Variants in C16orf95 observed in about 807,000 individuals in gnomAD.
C16orf95 encodes uncharacterized protein C16orf95.
C16orf95 carries 41 observed loss-of-function variants against 32.1 expected under a neutral mutation model. The observed-to-expected ratio is 1.28, with a 90% CI of 1.00 to 1.66. The LOEUF (loss-of-function observed/expected upper bound fraction) is 1.66. C16orf95 is among the 40% of genes most tolerant of loss of function. C16orf95 has a pLI of 0.00. For missense variants in C16orf95, 399 were observed against 325.9 expected, an observed-to-expected ratio of 1.22 and a Z score of -1.73; for synonymous variants, 147 against 128.9, an observed-to-expected ratio of 1.14 and a Z score of -0.95.
rs1408258267 is a variant in C16orf95, at chr16:87,315,001, C to T, written c.300G>A (p.Trp100Ter). Reference sequence around the variant, plus strand: ...TTCGGGGTCTCAGGGACAGAGGGACCCAGTAAGGCAGTGCTGCTTCCACCC... The same window carrying T: ...TTCGGGGTCTCAGGGACAGAGGGACTCAGTAAGGCAGTGCTGCTTCCACCC... ...VSRVEAALPY[W>*]VPLSLRPRKQ... Residue 100 changes from tryptophan to a stop codon, truncating the protein, a stop_gained, in exon 3 of 7, where the codon TGG becomes TGA. Transcript: ENST00000567970. LOFTEE classifies it high-confidence loss of function. The T allele has an allele frequency of 2.1e-5, 32 of 1,535,976 alleles. No individual in the cohort carries two copies. The highest frequency in any genetic ancestry group is 2.8e-5 in the Non-Finnish European group (32 of 1,146,910).
At chr16:87,304,175 A>G (rs547496876) in intron 6 of C16orf95, among the ~76,000 whole-genome samples, 3 of 152,118 alleles carry the variant, frequency 2.0e-5, no homozygotes, top group Admixed American at 1.3e-4. Context: ...ACACTCAGCT[A>G]ATTTTTTTAT....
Position 87,315,803 on chromosome 16 carries a change from T to C in C16orf95, c.173A>G (p.Tyr58Cys), listed in dbSNP as rs1205098898. The C allele has an allele frequency of 1.3e-6, 2 of 1,531,302 alleles. No homozygotes were observed. Among genetic ancestry groups the C allele is most frequent in the Non-Finnish European group, 1.7e-6 (2 of 1,144,508 alleles). 94.9% of individuals were successfully genotyped at this position (1,531,302 alleles called of 1,614,324 possible). The change falls in exon 2 of 7, where the codon TAC becomes TGC. Residue 58 changes from tyrosine (Y) to cysteine (C), a missense_variant. Transcript: ENST00000567970. ...ACGGGGGAGGCACACTTCTTTCTTG[T>C]AGGTTTGAAATGTGCTATTCCTAGA... is the stretch of plus-strand genomic sequence containing the variant. ...QDGRNSTFQT[Y>C]KKEVCLPRHS...
intron 5 of C16orf95, among the ~76,000 whole-genome samples, chr16:87,308,966 T>C (rs570358106): frequency 6.6e-6 from 1 of 152,358 alleles, no homozygotes; most frequent in Admixed American, 6.5e-5. Flanking sequence ...ATGAACACGA[T>C]GAATGTTTTT....
At chr16:87,315,143 G>A (rs775128593) in intron 2 of C16orf95, 47 bp from the exon 3 acceptor site, 2 of 1,527,122 alleles carry the variant, frequency 1.3e-6, no homozygotes, top group Non-Finnish European at 1.8e-6. Flanking sequence ...TGCTGCATTT[G>A]CAGGGAGACA....
chr16:87,305,685 G>T lies in C16orf95; in HGVS notation c.701+34C>A. On this transcript the variant is annotated intron_variant, in intron 6 of 6. Transcript: ENST00000567970. This position sits in a 1 kb window ranked among gnomAD's most constrained non-coding sequence, Gnocchi z 4.2. ...CTCAGGTGGACGTCACCATGCCAGG[G>T]CCACCCACTGTCCCCCATCCCCCAC... The T allele has an allele frequency of 1.0e-5, 15 of 1,465,156 alleles. No homozygotes were observed. The highest frequency in any genetic ancestry group is 2.3e-4 in the Middle Eastern group (1 of 4,356). 90.8% of individuals were successfully genotyped at this position (1,465,156 alleles called of 1,614,324 possible).
intron 2 of C16orf95, 44 bp downstream of exon 2, chr16:87,315,728 T>C: frequency 7.1e-7 from 1 of 1,411,486 alleles, no homozygotes; most frequent in Non-Finnish European, 9.5e-7. Flanking sequence ...CCCACAGGGA[T>C]ATGTTGGGGT....
Position 87,317,349 on chromosome 16 carries a change from TCAACCC to T in C16orf95, c.-113_-108del, listed in dbSNP as rs1904399673. 1 of 1,425,670 alleles carries T rather than the reference TCAACCC, an allele frequency of 7.0e-7. No homozygotes were observed. The highest frequency in any genetic ancestry group is 1.4e-5 in the African/African-American group (1 of 69,012). The allele number at this position is 1,425,670 out of a possible 1,614,324, so 88.3% of individuals were successfully genotyped here. A position where few individuals can be genotyped will look rare whatever the true frequency, so the allele number is the denominator to read the frequency against. ...GCCCCAGGAGGAACCCAACCCGAGC[TCAACCC>T]CAGCCCCAACCTCAACCGCTCAGAG... On this transcript the variant is annotated 5_prime_UTR_variant, in exon 1 of 7. Coordinates refer to ENST00000567970, the MANE Select transcript of C16orf95 (RefSeq NM_001195124.3).
At chr16:87,310,216 C>T in intron 5 of C16orf95, 81 bp downstream of exon 5, 1 of 1,380,316 alleles carries the variant, frequency 7.2e-7, no homozygotes, top group Non-Finnish European at 1.0e-6. Flanking sequence ...GATGAGAGGT[C>T]TGCCCCCACC....
At position 87,305,864 on chromosome 16, in the gene C16orf95, T is replaced by C; in HGVS notation, c.556A>G (p.Ile186Val). The C allele has an allele frequency of 6.9e-7, 1 of 1,451,548 alleles. No homozygotes were observed. The highest frequency in any genetic ancestry group is 1.4e-5 in the South Asian group (1 of 72,092). 89.9% of individuals were successfully genotyped at this position (1,451,548 alleles called of 1,614,324 possible). ...DACCWHNCWR[I>V]CGDECLLSKF... ...GACAACAGGCACTCATCACCGCAGA[T>C]CCGCCAGCAGTTGTGCCAGCAGCAT... is the stretch of plus-strand genomic sequence containing the variant. Residue 186 changes from isoleucine (I) to valine (V), a missense_variant, in exon 6 of 7, where the codon ATC (isoleucine) becomes GTC (valine). Coordinates refer to ENST00000567970, the MANE Select transcript of C16orf95 (RefSeq NM_001195124.3). The surrounding 1 kb of genome is among the most constrained non-coding windows in gnomAD (Gnocchi z 4.2).
rs1228566047 is a variant in C16orf95, at chr16:87,305,974, G to A, written c.515-69C>T. 17 of 1,226,622 alleles carry A rather than the reference G, an allele frequency of 1.4e-5. No homozygotes were observed. Among genetic ancestry groups the A allele is most frequent in the African/African-American group, 3.2e-5 (2 of 62,664 alleles). The allele number at this position is 1,226,622 out of a possible 1,614,324, so 76.0% of individuals were successfully genotyped here. A position where few individuals can be genotyped will look rare whatever the true frequency, so the allele number is the denominator to read the frequency against. On this transcript the variant is annotated intron_variant, in intron 5 of 6. Coordinates refer to ENST00000567970, the MANE Select transcript of C16orf95 (RefSeq NM_001195124.3). The surrounding 1 kb of genome is among the most constrained non-coding windows in gnomAD (Gnocchi z 4.2). ...GGACTCTGTGAGCCACGAGGAGGCT[G>A]CAACACCAGCCCCAGAGCCTCCGGG...
At chr16:87,311,891 C>T (rs1004442249) in intron 3 of C16orf95, among the ~76,000 whole-genome samples, 2 of 152,146 alleles carry the variant, frequency 1.3e-5, no homozygotes, top group African/African-American at 4.8e-5. Flanking sequence ...TGACAGACAT[C>T]GGGCAACAGG....
Position 87,317,323 on chromosome 16 carries a change from T to C in C16orf95, c.-81A>G, listed in dbSNP as rs1226470350. On this transcript the variant is annotated 5_prime_UTR_variant, in exon 1 of 7. Transcript: ENST00000567970. ...CGCCCTGGCTCCCGCCTTTCCCTCC[T>C]GCCCCAGGAGGAACCCAACCCGAGC... 3 of 1,447,432 alleles carry C rather than the reference T, an allele frequency of 2.1e-6. No homozygotes were observed. Among genetic ancestry groups the C allele is most frequent in the African/African-American group, 1.4e-5 (1 of 70,312 alleles). The allele number at this position is 1,447,432 out of a possible 1,614,324, so 89.7% of individuals were successfully genotyped here. A position where few individuals can be genotyped will look rare whatever the true frequency, so the allele number is the denominator to read the frequency against.
chr16:87,312,513 G>C (rs771776831), intron 3 of C16orf95, among the ~76,000 whole-genome samples: 10 of 145,570 alleles, frequency 6.9e-5, no homozygotes, highest in Non-Finnish European at 1.3e-4. Flanking sequence ...AGTTTGCAGT[G>C]AGCCGAAATC....
intron 5 of C16orf95, chr16:87,306,129 G>C (rs966616569): frequency 2.4e-6 from 1 of 409,710 alleles, no homozygotes; most frequent in African/African-American, 2.1e-5. Flanking sequence ...TTTTTCAAGA[G>C]GCTTGCTCTT....
At chr16:87,310,387 A>G in intron 4 of C16orf95, 54 bp from the exon 5 acceptor site, 1 of 1,522,106 alleles carries the variant, frequency 6.6e-7, no homozygotes, top group East Asian at 2.4e-5. Context: ...CCAAGGGGGA[A>G]GGCCTGGTGA....
chr16:87,317,380 G>GGA lies in C16orf95; in HGVS notation c.-140_-139dup. 1 of 1,401,122 alleles carries GGA rather than the reference G, an allele frequency of 7.1e-7. No individual in the cohort carries two copies. Among genetic ancestry groups the GGA allele is most frequent in the Non-Finnish European group, 9.2e-7 (1 of 1,081,918 alleles). 86.8% of individuals were successfully genotyped at this position (1,401,122 alleles called of 1,614,324 possible). The stretch of plus-strand genomic sequence containing the variant: ...CCAGCCCCAACCTCAACCGCTCAGA[G>GGA]GAGCCCAACAACGCCCGCGCGCCCG... On this transcript the variant is annotated 5_prime_UTR_variant, in exon 1 of 7. Transcript: ENST00000567970.
At chr16:87,315,206 A>C in intron 2 of C16orf95, 110 bp from the exon 3 acceptor site, 1 of 1,166,842 alleles carries the variant, frequency 8.6e-7, no homozygotes, top group Non-Finnish European at 1.2e-6. Flanking sequence ...GTCCGGGGGC[A>C]GGGTCCCCAG....
chr16:87,306,006 G>A, intron 5 of C16orf95, 101 bp from the exon 6 acceptor site: 1 of 898,940 alleles, frequency 1.1e-6, no homozygotes, highest in Non-Finnish European at 1.5e-6. Context: ...CGGGAAATGG[G>A]GACTTCCAGG....
chr16:87,315,679 G>T, intron 2 of C16orf95, 93 bp downstream of exon 2: 1 of 975,680 alleles, frequency 1.0e-6, no homozygotes, highest in Non-Finnish European at 1.4e-6. Context: ...TTCTCTCATG[G>T]GATGCAGCTT....
Sources: gnomAD v4.1 joint callset for allele counts (sites outside exome capture counted in the v4.1 genomes callset) on GRCh38, gnomAD v4.1.1 for gene constraint, Gnocchi (gnomAD v3.1) non-coding constraint, MANE v1.5 for transcripts, NCBI Gene and HGNC (gene_info 2026-07-23, HGNC 2026-07-21) for gene names.